The following KCNC2 variants were observed in gnomAD, a reference collection of about 807,000 sequenced individuals.
KCNC2 encodes potassium voltage-gated channel subfamily C member 2, also known as voltage-gated potassium channel KCNC2.
A neutral mutation model predicts 44.5 loss-of-function variants in KCNC2; 21 were observed. The observed-to-expected ratio is 0.47, with a 90% CI of 0.33 to 0.68. The LOEUF is 0.68. Ranked by LOEUF, KCNC2 falls within the 30% of genes least tolerant of loss-of-function variation. The pLI is 0.01. For synonymous variants in KCNC2, 391 were observed against 339.1 expected (o/e 1.15, Z -1.68); for missense variants, 589 against 826.2 (o/e 0.71, Z 3.52).
At chr12:75,113,952 T>C (rs1273224695) in intron 2 of KCNC2, among the ~76,000 whole-genome samples, 1 of 152,224 alleles carries the variant, frequency 6.6e-6, no homozygotes, top group African/African-American at 2.4e-5. Flanking sequence ...GCTTATTTAT[T>C]TGTAAGCCTA....
At chr12:75,173,784 C>T (rs571537645) in intron 2 of KCNC2, among the ~76,000 whole-genome samples, 7 of 151,910 alleles carry the variant, frequency 4.6e-5, no homozygotes, top group African/African-American at 1.7e-4. Flanking sequence ...AAAGTCATTA[C>T]TGCAATACTC....
chr12:75,122,950 A>G (rs967807548), intron 2 of KCNC2, among the ~76,000 whole-genome samples: 1 of 152,106 alleles, frequency 6.6e-6, no homozygotes, highest in African/African-American at 2.4e-5. Flanking sequence ...ATCCACTTTT[A>G]TATTGTTTAA....
At chr12:75,187,038 A>T (rs1893001036) in intron 2 of KCNC2, among the ~76,000 whole-genome samples, 2 of 152,198 alleles carry the variant, frequency 1.3e-5, no homozygotes, top group Non-Finnish European at 2.9e-5. Flanking sequence ...CAATTAAATG[A>T]CCTCTTCCTT....
chr12:75,148,459 A>G (rs1174388099), intron 2 of KCNC2, among the ~76,000 whole-genome samples: 5 of 151,962 alleles, frequency 3.3e-5, no homozygotes, highest in Non-Finnish European at 7.4e-5. Context: ...TAAATGATAA[A>G]CTGGAAATAT....
rs554400647 is a variant in KCNC2 at position 75,045,755 on chromosome 12, C to A, written c.1780+2398G>T. Among the ~76,000 whole-genome samples, 11 of 152,020 alleles carry A rather than the reference C, an allele frequency of 7.2e-5. No homozygotes were observed. In the East Asian group the frequency reaches 1.7e-3, roughly 24 times the overall value. On this transcript the variant is annotated intron_variant, in intron 4 of 4. Transcript: ENST00000549446. ...ATGCTTTCTTAAAACAACAAACATG[C>A]ATTCTAAGTATTGAGAGTTTACTCT...
chr12:75,105,926 T>C (rs1485477039), intron 2 of KCNC2, among the ~76,000 whole-genome samples: 1 of 151,756 alleles, frequency 6.6e-6, no homozygotes, highest in Non-Finnish European at 1.5e-5. Flanking sequence ...TTTTTTTTTT[T>C]AGACTTGGGG....
At chr12:75,177,032 T>TTATATATATATATATATATATATATATA (rs3073537) in intron 2 of KCNC2, among the ~76,000 whole-genome samples, 1 of 139,912 alleles carries the variant, frequency 7.1e-6, no homozygotes, top group African/African-American at 2.7e-5. Flanking sequence ...GCTGCAAGTT[T>TTATATATATATATATATATATATATATA]TATATATATA....
intron 2 of KCNC2, among the ~76,000 whole-genome samples, chr12:75,185,745 A>C (rs892841005): frequency 1.3e-5 from 2 of 152,124 alleles, no homozygotes; most frequent in Non-Finnish European, 2.9e-5. Flanking sequence ...GTGTTAATTT[A>C]ATTATAAATT....
intron 2 of KCNC2, among the ~76,000 whole-genome samples, chr12:75,203,655 G>T (rs1182645006): frequency 1.3e-5 from 2 of 151,744 alleles, no homozygotes; most frequent in African/African-American, 2.4e-5. Flanking sequence ...CAGAAGATCT[G>T]CCAAGTAATC....
At chr12:75,158,215 AG>A (rs1186329363) in intron 2 of KCNC2, among the ~76,000 whole-genome samples, 1 of 151,924 alleles carries the variant, frequency 6.6e-6, no homozygotes, top group Admixed American at 6.6e-5. Context: ...GAAATATAAC[AG>A]TAATAAAATC....
At chr12:75,181,267 CTT>C (rs1565670397) in intron 2 of KCNC2, among the ~76,000 whole-genome samples, 4 of 152,130 alleles carry the variant, frequency 2.6e-5, no homozygotes, top group South Asian at 2.1e-4. Flanking sequence ...ATAATTAACT[CTT>C]GTCACAAAAT....
intron 2 of KCNC2, among the ~76,000 whole-genome samples, chr12:75,054,136 G>A (rs1018139249): frequency 1.3e-5 from 2 of 151,332 alleles, no homozygotes; most frequent in Non-Finnish European, 2.9e-5. Flanking sequence ...TGAGGCAGGA[G>A]AATCACTTGA....
chr12:75,098,756 T>TTAAATAAATAAATAAA (rs34518617), intron 2 of KCNC2, among the ~76,000 whole-genome samples: 15 of 145,780 alleles, frequency 1.0e-4, no homozygotes, highest in South Asian at 4.4e-4. Flanking sequence ...AGACTCTGTC[T>TTAAATAAATAAATAAA]TAAATAAATA....
At chr12:75,141,116 A>G (rs1299085864) in intron 2 of KCNC2, among the ~76,000 whole-genome samples, 1 of 152,172 alleles carries the variant, frequency 6.6e-6, no homozygotes, top group African/African-American at 2.4e-5. Context: ...CATACACTTG[A>G]AGGCTGTTCT....
intron 2 of KCNC2, among the ~76,000 whole-genome samples, chr12:75,070,952 T>C (rs1463510989): frequency 1.3e-5 from 2 of 152,198 alleles, no homozygotes; most frequent in Non-Finnish European, 2.9e-5. Flanking sequence ...CAGACATATT[T>C]TTCACATTAA....
intron 2 of KCNC2, among the ~76,000 whole-genome samples, chr12:75,119,021 G>A (rs900086776): frequency 6.6e-6 from 1 of 152,132 alleles, no homozygotes; most frequent in African/African-American, 2.4e-5. Context: ...AACAGGCCTG[G>A]TGAGAATCCA....
intron 2 of KCNC2, among the ~76,000 whole-genome samples, chr12:75,202,005 T>C (rs1257777620): frequency 2.0e-5 from 3 of 151,880 alleles, no homozygotes; most frequent in Non-Finnish European, 2.9e-5. Flanking sequence ...TACTTGAAAA[T>C]GACATTTACT....
At chr12:75,166,555 T>C (rs1476163951) in intron 2 of KCNC2, among the ~76,000 whole-genome samples, 4 of 151,256 alleles carry the variant, frequency 2.6e-5, no homozygotes, top group Non-Finnish European at 5.9e-5. Context: ...TTATATCATA[T>C]GGTAGAGGAA....
At chr12:75,043,504 T>C (rs1880154952) in intron 4 of KCNC2, 4 of 1,266,346 alleles carry the variant, frequency 3.2e-6, no homozygotes, top group Non-Finnish European at 4.1e-6. Context: ...TTAGCATTAA[T>C]ATAATTTTGG....
Sources: allele counts gnomAD v4.1 joint callset (sites outside exome capture counted in the v4.1 genomes callset), GRCh38; gene constraint gnomAD v4.1.1; transcripts MANE v1.5; gene names NCBI Gene and HGNC (gene_info 2026-07-23, HGNC 2026-07-21).